The following GIGYF2 variants were observed in gnomAD, a reference collection of about 807,000 sequenced individuals.
GIGYF2 encodes the protein GRB10 interacting GYF protein 2.
Under a neutral mutation model 208.1 loss-of-function variants are expected in GIGYF2, and 25 were observed. That is an observed-to-expected ratio of 0.12 (90% CI 0.09 to 0.17). The LOEUF (loss-of-function observed/expected upper bound fraction) is 0.17, where lower values mean the gene tolerates loss of function less well. Among genes scored for constraint, GIGYF2 ranks in the 10% least tolerant of loss-of-function variants. The pLI is 1.00. For missense variants in GIGYF2, 1,302 were observed against 1,579.4 expected (o/e 0.82, Z 2.98); for synonymous variants, 534 against 543.8 (o/e 0.98, Z 0.25).
intron 9 of GIGYF2, among the ~76,000 whole-genome samples, chr2:232,789,916 A>G (rs1273235539): frequency 6.6e-6 from 1 of 151,944 alleles, no homozygotes; most frequent in East Asian, 1.9e-4. Context: ...TAGATTTGGG[A>G]ATGTCCGTAG....
intron 14 of GIGYF2, among the ~76,000 whole-genome samples, chr2:232,799,283 C>T (rs1700318164): frequency 6.6e-6 from 1 of 151,866 alleles, no homozygotes; most frequent in African/African-American, 2.4e-5. Flanking sequence ...GTGGTTCACG[C>T]CTGTAATTCT....
intron 8 of GIGYF2, among the ~76,000 whole-genome samples, chr2:232,763,452 T>C (rs1430399245): frequency 6.6e-6 from 1 of 152,134 alleles, no homozygotes; most frequent in Non-Finnish European, 1.5e-5. Flanking sequence ...TAAAGTTTAA[T>C]TTATAAATTA....
chr2:232,760,266 G>A (rs1698697154), intron 6 of GIGYF2: 1 of 529,346 alleles, frequency 1.9e-6, no homozygotes, highest in African/African-American at 1.9e-5. Flanking sequence ...TATTATGTTA[G>A]TTTTTTTAAC....
At chr2:232,754,807 CTT>C (rs1272140551) in intron 5 of GIGYF2, among the ~76,000 whole-genome samples, 2 of 150,880 alleles carry the variant, frequency 1.3e-5, no homozygotes, top group Non-Finnish European at 3.0e-5. Context: ...AGTTTGGTGT[CTT>C]TTATTTTTAG....
At chr2:232,766,040 C>T (rs529652402) in intron 8 of GIGYF2, 18 of 470,928 alleles carry the variant, frequency 3.8e-5, no homozygotes, top group African/African-American at 3.6e-4. Flanking sequence ...GTAATTTCCG[C>T]CCTTTTTCCA....
At position 232,796,208 on chromosome 2, in the gene GIGYF2, G is replaced by A; in HGVS notation, c.1626G>A (p.Gln542=). ...AGAAGTGGTATTACAAAGATCCTCA[G>A]GGAGAAATTCAAGGCAAGTTGTTCC... ...AMQKWYYKDP[Q]GEIQGPFNNQ... Residue 542 remains glutamine (Q), a synonymous_variant, in exon 14 of 29, where the codon CAG becomes CAA. Transcript: ENST00000373563. 2 of 1,602,782 alleles carry A rather than the reference G, an allele frequency of 1.2e-6. No homozygotes were observed. Among genetic ancestry groups the A allele is most frequent in the South Asian group, 2.2e-5 (2 of 90,856 alleles).
At chr2:232,771,147 T>C (rs1268763836) in intron 8 of GIGYF2, 1 of 1,614,086 alleles carries the variant, frequency 6.2e-7, no homozygotes, top group South Asian at 1.1e-5. Flanking sequence ...ACCAGAGCAC[T>C]GCAAAGACAA....
At chr2:232,797,384 C>A (rs895915938) in intron 14 of GIGYF2, among the ~76,000 whole-genome samples, 1 of 152,128 alleles carries the variant, frequency 6.6e-6, no homozygotes, top group African/African-American at 2.4e-5. Flanking sequence ...CTTGCACTCT[C>A]AATCCCCTTA....
intron 15 of GIGYF2, among the ~76,000 whole-genome samples, chr2:232,809,375 C>CT (rs1700661662): frequency 6.6e-6 from 1 of 152,168 alleles, no homozygotes; most frequent in Admixed American, 6.5e-5. Flanking sequence ...TCCAGTTTCT[C>CT]TAATTTCTAC....
chr2:232,747,796 T>C (rs764454561), intron 4 of GIGYF2, 52 bp downstream of exon 4: 1 of 1,484,910 alleles, frequency 6.7e-7, no homozygotes, highest in Non-Finnish European at 9.4e-7. Context: ...TTGGGATATA[T>C]ACCATGATGT....
intron 27 of GIGYF2, among the ~76,000 whole-genome samples, chr2:232,848,933 A>G (rs1690186426): frequency 6.6e-6 from 1 of 152,214 alleles, no homozygotes; most frequent in Non-Finnish European, 1.5e-5. Flanking sequence ...AATCAATTCT[A>G]CAAGTTTTCT....
intron 23 of GIGYF2, 45 bp from the exon 24 acceptor site, chr2:232,844,001 T>C (rs1327783489): frequency 1.3e-6 from 2 of 1,574,518 alleles, no homozygotes; most frequent in African/African-American, 1.3e-5. Context: ...ATAACTATTA[T>C]CTAAAAACAG....
intron 28 of GIGYF2, among the ~76,000 whole-genome samples, chr2:232,851,413 A>ATTT (rs5839451): frequency 6.7e-6 from 1 of 149,088 alleles, no homozygotes; most frequent in Non-Finnish European, 1.5e-5. Flanking sequence ...TGAAACTAAC[A>ATTT]TTTTTTTTTT....
chr2:232,836,395 TATAA>T lies in GIGYF2; in HGVS notation c.2766+3306_2766+3309del, dbSNP rs1559161004. Among the ~76,000 whole-genome samples the T allele has an allele frequency of 7.0e-4, 61 of 86,770 alleles. 3 individuals carry two copies. Among genetic ancestry groups the T allele is most frequent in the East Asian group, 4.2e-3 (10 of 2,400 alleles). The allele number at this position is 86,770 out of a possible 152,430, so 56.9% of individuals were successfully genotyped here. On this transcript the variant is annotated intron_variant, in intron 22 of 28. Coordinates refer to ENST00000373563, the MANE Select transcript of GIGYF2 (RefSeq NM_001103146.3). Reference sequence around the variant, plus strand: ...ATATATAAATATAAATATATATAAATATAAATATATATATAAATAAATTATTCAG... The same window carrying T: ...ATATATAAATATAAATATATATAAATATATATATATAAATAAATTATTCAG...
rs1700173676 is a variant in GIGYF2, at chr2:232,794,777, T to A, written c.1312T>A (p.Ser438Thr). The change falls in exon 13 of 29, where the codon TCG (serine) becomes ACG (threonine). Residue 438 changes from serine to threonine, a missense_variant. Physicochemically the swap from Ser to Thr is moderately conservative, Grantham distance 58. Around this residue, in one of 8 missense-constraint regions of GIGYF2, gnomAD observed 235 missense variants for 218.8 expected, o/e 1.07. Coordinates refer to ENST00000373563, the MANE Select transcript of GIGYF2 (RefSeq NM_001103146.3). ...EMVADVQQPL[S>T]QIPSDTASPL... is the part of the protein sequence containing the mutation. ...GGTTGCTGATGTCCAGCAGCCCCTG[T>A]CGCAGATTCCTTCAGATACAGCCTC... is the stretch of plus-strand genomic sequence containing the variant. 6.2e-7 allele frequency: 1 copy of A among 1,613,814 alleles called. No individual in the cohort carries two copies. Among genetic ancestry groups the A allele is most frequent in the African/African-American group, 1.3e-5 (1 of 74,908 alleles).
Position 232,816,973 on chromosome 2 carries a change from C to T in GIGYF2, c.2311C>T (p.Arg771Ter). 1 of 1,612,176 alleles carries T rather than the reference C, an allele frequency of 6.2e-7. No individual in the cohort carries two copies. Residue 771 changes from arginine (R) to a stop codon, truncating the protein, a stop_gained, in exon 20 of 29, where the codon CGA (arginine) becomes TGA (stop). Coordinates refer to ENST00000373563, the MANE Select transcript of GIGYF2 (RefSeq NM_001103146.3). LOFTEE classifies it high-confidence loss of function. ...AAGACAACAGGAGGAAATTCTTCGG[C>T]GACAGCAGGAAGAAGAAAGGAAAAG... is the stretch of plus-strand genomic sequence containing the variant. ...LRRQQEEILR[R>*]QQEEERKRRE... is the part of the protein sequence containing the mutation.
At chr2:232,805,189 A>G (rs1245822144) in intron 14 of GIGYF2, among the ~76,000 whole-genome samples, 1 of 150,532 alleles carries the variant, frequency 6.6e-6, no homozygotes, top group Admixed American at 6.6e-5. Flanking sequence ...AAGAATATGT[A>G]TTTTTCTATA....
chr2:232,738,902 G>GT, intron 3 of GIGYF2, among the ~76,000 whole-genome samples: 1 of 152,284 alleles, frequency 6.6e-6, no homozygotes, highest in Middle Eastern at 3.4e-3. Flanking sequence ...TCTCCTGTGT[G>GT]TTTGCTCTTG....
intron 2 of GIGYF2, among the ~76,000 whole-genome samples, chr2:232,715,897 T>G (rs1385799830): frequency 6.6e-6 from 1 of 152,032 alleles, no homozygotes; most frequent in East Asian, 1.9e-4. Context: ...TTATGACATT[T>G]ATGTTGGGAC....
Sources: gnomAD v4.1 joint callset for allele counts (sites outside exome capture counted in the v4.1 genomes callset) on GRCh38, gnomAD v4.1.1 for gene constraint, gnomAD v4.1.1 regional missense constraint, MANE v1.5 for transcripts, NCBI Gene and HGNC (gene_info 2026-07-23, HGNC 2026-07-21) for gene names.